CCDC73: variants seen among roughly 807,000 people sequenced by gnomAD.
The protein encoded by CCDC73 is coiled-coil domain-containing protein 73.
A neutral mutation model predicts 116.5 loss-of-function variants in CCDC73; 95 were observed. That is an observed-to-expected ratio of 0.82 (90% CI 0.69 to 0.97). The LOEUF (loss-of-function observed/expected upper bound fraction) is 0.97. Ranked by LOEUF, CCDC73 falls within the 50% of genes least tolerant of loss-of-function variation. The pLI is 0.00. For synonymous variants in CCDC73, 398 were observed against 401.3 expected, an observed-to-expected ratio of 0.99 and a Z score of 0.10; for missense variants, 1,066 against 1,206.8, an observed-to-expected ratio of 0.88 and a Z score of 1.73.
At chr11:32,624,753 A>G (rs1001837369) in intron 14 of CCDC73, among the ~76,000 whole-genome samples, 3 of 152,264 alleles carry the variant, frequency 2.0e-5, no homozygotes, top group African/African-American at 7.2e-5. Flanking sequence ...TATTCACAAT[A>G]GCAAAGACTT....
At chr11:32,640,109 G>T (rs987791706) in intron 13 of CCDC73, among the ~76,000 whole-genome samples, 3 of 152,028 alleles carry the variant, frequency 2.0e-5, no homozygotes, top group African/African-American at 4.8e-5. Flanking sequence ...CTTACAGATA[G>T]AAATACAATT....
the CCDC73 span, among the ~76,000 whole-genome samples, chr11:32,818,025 C>G: frequency 6.6e-6 from 1 of 152,228 alleles, no homozygotes; most frequent in Non-Finnish European, 1.5e-5. Context: ...GTGAAACTAA[C>G]TTGCCAATCC....
rs1350627904 is a variant in CCDC73, at chr11:32,654,847, G to A, written c.771C>T (p.Asn257=). The change falls in exon 10 of 18, where the codon AAC becomes AAT. Residue 257 remains asparagine (N), a synonymous_variant. Transcript: ENST00000335185. ...QKFQELQERL[N]MELELNEKIN... ...ACAAATACATTTAATAAAATACCAT[G>A]TTGAGTCTTTCTTGAAGTTCTTGAA... 6 of 1,498,224 alleles carry A rather than the reference G, an allele frequency of 4.0e-6. No homozygotes were observed. Among genetic ancestry groups the A allele is most frequent in the South Asian group, 3.7e-5 (3 of 81,266 alleles). The allele number at this position is 1,498,224 out of a possible 1,614,324, so 92.8% of individuals were successfully genotyped here.
chr11:32,766,597 A>T (rs1207580310), intron 1 of CCDC73, among the ~76,000 whole-genome samples: 1 of 152,268 alleles, frequency 6.6e-6, no homozygotes, highest in Admixed American at 6.5e-5. Context: ...GCTGATAAGC[A>T]ACTTCAGCAA....
At chr11:32,668,512 G>C (rs542908607) in intron 9 of CCDC73, among the ~76,000 whole-genome samples, 1 of 147,604 alleles carries the variant, frequency 6.8e-6, no homozygotes, top group African/African-American at 2.5e-5. Context: ...TAAAATCAAA[G>C]ATTGGATTTA....
At position 32,788,847 on chromosome 11, in the gene CCDC73, G is replaced by A. The variant is rs772090570; in HGVS notation, c.-16+5766C>T. ...ACAAATTAGTTTAACTCAAGGCATA[G>A]TAACACCAGGCATAATACAAAAGAC... On this transcript the variant is annotated intron_variant, in intron 1 of 17. Transcript: ENST00000335185. Among the ~76,000 whole-genome samples the A allele has an allele frequency of 3.9e-5, 6 of 152,136 alleles. 1 individual carries two copies. Among genetic ancestry groups the A allele is most frequent in the African/African-American group, 7.2e-5 (3 of 41,428 alleles).
At chr11:32,635,255 A>G (rs1565062626) in intron 14 of CCDC73, among the ~76,000 whole-genome samples, 1 of 152,198 alleles carries the variant, frequency 6.6e-6, no homozygotes, top group Non-Finnish European at 1.5e-5. Flanking sequence ...TTAGAATAGA[A>G]AAAGCTTTTT....
At chr11:32,627,780 T>G (rs1855589969) in intron 14 of CCDC73, among the ~76,000 whole-genome samples, 1 of 151,906 alleles carries the variant, frequency 6.6e-6, no homozygotes, top group Non-Finnish European at 1.5e-5. Flanking sequence ...TGAGAACACA[T>G]GGACACAGGA....
chr11:32,776,998 T>G, intron 1 of CCDC73, among the ~76,000 whole-genome samples: 1 of 78,348 alleles, frequency 1.3e-5, no homozygotes, highest in Non-Finnish European at 3.0e-5. Flanking sequence ...TGTATATATA[T>G]ATATATATAT....
chr11:32,799,469 A>G (rs1590654309), upstream of CCDC73, among the ~76,000 whole-genome samples: 1 of 151,054 alleles, frequency 6.6e-6, no homozygotes, highest in East Asian at 1.9e-4. Context: ...AGCATAAACC[A>G]CCATGCCCAG....
the CCDC73 span, among the ~76,000 whole-genome samples, chr11:32,817,333 A>G: frequency 6.6e-6 from 1 of 152,252 alleles, no homozygotes; most frequent in East Asian, 1.9e-4. Flanking sequence ...ATACTGGGTT[A>G]AAAGGACTGA....
intron 9 of CCDC73, among the ~76,000 whole-genome samples, chr11:32,663,796 G>C (rs929698838): frequency 1.3e-5 from 2 of 152,168 alleles, no homozygotes; most frequent in Non-Finnish European, 2.9e-5. Context: ...TGCCCATTCA[G>C]TATGATGTTG....
intron 2 of CCDC73, among the ~76,000 whole-genome samples, chr11:32,742,081 C>A (rs759555571): frequency 1.3e-5 from 2 of 152,070 alleles, no homozygotes; most frequent in Admixed American, 6.6e-5. Context: ...GGGTTGGTTC[C>A]AAGTCTTTGC....
At chr11:32,664,878 G>A (rs907404897) in intron 9 of CCDC73, among the ~76,000 whole-genome samples, 25 of 152,224 alleles carry the variant, frequency 1.6e-4, no homozygotes, top group Admixed American at 3.3e-4. Flanking sequence ...CGTTGGTTTC[G>A]AAGAACATCT....
intron 2 of CCDC73, among the ~76,000 whole-genome samples, chr11:32,757,453 A>G (rs1460835455): frequency 6.6e-6 from 1 of 152,212 alleles, no homozygotes; most frequent in African/African-American, 2.4e-5. Flanking sequence ...ATACTATGAG[A>G]TCAAGCATAG....
chr11:32,669,254 T>C (rs1331216797), intron 9 of CCDC73, among the ~76,000 whole-genome samples: 11 of 152,216 alleles, frequency 7.2e-5, no homozygotes. Flanking sequence ...GATATTTATA[T>C]TGTTTTCTAG....
At chr11:32,760,306 C>T in intron 1 of CCDC73, 48 bp from the exon 2 acceptor site, 1 of 1,079,760 alleles carries the variant, frequency 9.3e-7, no homozygotes. Context: ...CTAGGTTTTT[C>T]AAGTAAAAGC....
chr11:32,737,231 C>CTGTG (rs200606807), intron 2 of CCDC73, among the ~76,000 whole-genome samples: 14,337 of 137,360 alleles, frequency 0.1, 841 homozygotes, highest in Middle Eastern at 0.17. Context: ...CATAGTAGGG[C>CTGTG]TGTGTGTGTG....
chr11:32,779,293 C>G (rs1590644088), intron 1 of CCDC73, among the ~76,000 whole-genome samples: 1 of 146,806 alleles, frequency 6.8e-6, no homozygotes, highest in Non-Finnish European at 1.5e-5. Context: ...GGAGGAAGCA[C>G]TTTTCTAGCC....
Sources: allele counts gnomAD v4.1 joint callset (sites outside exome capture counted in the v4.1 genomes callset), GRCh38; gene constraint gnomAD v4.1.1; transcripts MANE v1.5; gene names NCBI Gene and HGNC (gene_info 2026-07-23, HGNC 2026-07-21).